AASDH: variants seen among roughly 807,000 people sequenced by gnomAD.
AASDH encodes beta-alanine-activating enzyme.
In AASDH, 81 loss-of-function variants were observed where a neutral mutation model predicts 102.3. The ratio of observed to expected loss-of-function variants is 0.79; its 90% confidence interval spans 0.66 to 0.95. The LOEUF is 0.95. Among genes scored for constraint, AASDH ranks in the 40% least tolerant of loss-of-function variants. AASDH has a pLI of 0.00. For missense variants in AASDH, 1,203 were observed against 1,266.2 expected, an observed-to-expected ratio of 0.95 and a Z score of 0.76; for synonymous variants, 398 against 454.0, an observed-to-expected ratio of 0.88 and a Z score of 1.57.
chr4:56,355,259 A>T lies in AASDH; in HGVS notation c.1026T>A (p.Asn342Lys), dbSNP rs1330317181. ...TTGATACCTCTGTGATACCATAAAC[A>T]TTAAATATTTGTGTTTTATTGCCTT... ...RGEGNKTQIF[N>K]VYGITEVSSW... Residue 342 changes from asparagine (N) to lysine (K), a missense_variant, in exon 6 of 15, where the codon AAT (asparagine) becomes AAA (lysine). Coordinates refer to ENST00000205214, the MANE Select transcript of AASDH (RefSeq NM_181806.4). The T allele has an allele frequency of 6.2e-7, 1 of 1,614,026 alleles. No homozygotes were observed. Among genetic ancestry groups the T allele is most frequent in the Non-Finnish European group, 8.5e-7 (1 of 1,180,002 alleles).
intron 5 of AASDH, among the ~76,000 whole-genome samples, chr4:56,362,058 T>G (rs1168594833): frequency 6.6e-6 from 1 of 152,192 alleles, no homozygotes; most frequent in African/African-American, 2.4e-5. Flanking sequence ...CCAAATATAT[T>G]TTAGGTTTGT....
At chr4:56,339,674 C>G (rs2109833445) in intron 14 of AASDH, among the ~76,000 whole-genome samples, 1 of 148,710 alleles carries the variant, frequency 6.7e-6, no homozygotes, top group African/African-American at 2.5e-5. Flanking sequence ...CCACTTGAAC[C>G]TGGGAGGCAG....
At chr4:56,369,388 T>C (rs1232096720) in intron 5 of AASDH, among the ~76,000 whole-genome samples, 1 of 152,124 alleles carries the variant, frequency 6.6e-6, no homozygotes, top group Non-Finnish European at 1.5e-5. Context: ...AAAACAGTTA[T>C]AGTAAAATCT....
rs1396861352 is a variant in AASDH at position 56,368,149 on chromosome 4, C to A, written c.861+3302G>T. The stretch of plus-strand genomic sequence containing the variant: ...ATCATCACTGGCCATCAGAGAAATG[C>A]AAATCAAAACCACAATGAGATACCA... On this transcript the variant is annotated intron_variant, in intron 5 of 14. Transcript: ENST00000205214. Among the ~76,000 whole-genome samples the A allele has an allele frequency of 2.0e-5, 3 of 152,164 alleles. No homozygotes were observed. The East Asian group carries it at 5.8e-4, about 29-fold the overall frequency.
At position 56,354,723 on chromosome 4, in the gene AASDH, T is replaced by TA. The variant is rs750954085; in HGVS notation, c.1191_1192insT (p.Ser398Ter). ...AAACAACCTAAAAATACTTGGCCAC[T>TA]GCCTTCCTGAATTGTGAAGCCATTA... On this transcript the variant is annotated frameshift_variant, in exon 7 of 15. Transcript: ENST00000205214. LOFTEE classifies it high-confidence loss of function. 1.9e-6 allele frequency: 3 copies of TA among 1,601,282 alleles called. No individual in the cohort carries two copies. The highest frequency in any genetic ancestry group is 4.5e-5 in the East Asian group (2 of 44,472).
chr4:56,366,510 A>G (rs1239634565), intron 5 of AASDH, among the ~76,000 whole-genome samples: 2 of 152,228 alleles, frequency 1.3e-5, no homozygotes, highest in East Asian at 3.8e-4. Flanking sequence ...CACATCAAAA[A>G]GCTTATCCAC....
intron 5 of AASDH, among the ~76,000 whole-genome samples, chr4:56,364,673 G>A (rs1319892650): frequency 6.6e-6 from 1 of 152,184 alleles, no homozygotes; most frequent in African/African-American, 2.4e-5. Context: ...AATGCTGAGA[G>A]ATTTTGTCAC....
At chr4:56,355,515 G>A in intron 5 of AASDH, 92 bp from the exon 6 acceptor site, 1 of 1,230,590 alleles carries the variant, frequency 8.1e-7, no homozygotes, top group Non-Finnish European at 1.1e-6. Flanking sequence ...AACATTTGGA[G>A]CCCACATGGA....
At chr4:56,378,889 ATT>A (rs1220687770) in intron 3 of AASDH, among the ~76,000 whole-genome samples, 1 of 103,150 alleles carries the variant, frequency 9.7e-6, no homozygotes, top group Non-Finnish European at 2.0e-5. Context: ...TTTTTTATTT[ATT>A]TTTTTTTTTT....
chr4:56,346,149 G>A (rs1748303259), intron 11 of AASDH, among the ~76,000 whole-genome samples: 1 of 152,184 alleles, frequency 6.6e-6, no homozygotes, highest in African/African-American at 2.4e-5. Flanking sequence ...CAAATTCCCT[G>A]GAGATCATGA....
intron 12 of AASDH, among the ~76,000 whole-genome samples, 190 bp downstream of exon 12, chr4:56,344,937 T>G (rs1054594436): frequency 7.3e-6 from 1 of 137,146 alleles, no homozygotes; most frequent in African/African-American, 2.7e-5. Flanking sequence ...GTGAATTTTC[T>G]TTCTTTTTTT....
At chr4:56,340,925 C>CGT (rs1747591481) in intron 14 of AASDH, among the ~76,000 whole-genome samples, 3 of 152,088 alleles carry the variant, frequency 2.0e-5, no homozygotes, top group Admixed American at 6.5e-5. Context: ...AAACACTCAA[C>CGT]ATCACTAATG....
Position 56,384,168 on chromosome 4 carries a change from T to C in AASDH, c.132A>G (p.Glu44=). Residue 44 remains glutamate (E), a synonymous_variant, in exon 2 of 15, where the codon GAA becomes GAG. Coordinates refer to ENST00000205214, the MANE Select transcript of AASDH (RefSeq NM_181806.4). ...AGTGTAACAGCAGAAAATTTGATAA[T>C]TCAGAAGCAGCATTAACCACAGTCT... ...TYKTVVNAAS[E]LSNFLLLHCD... is the part of the protein sequence containing the mutation. 1 of 1,614,154 alleles carries C rather than the reference T, an allele frequency of 6.2e-7. No homozygotes were observed. The highest frequency in any genetic ancestry group is 1.1e-5 in the South Asian group (1 of 91,088).
chr4:56,350,773 A>G (rs13135151), intron 10 of AASDH, among the ~76,000 whole-genome samples: 54,115 of 151,648 alleles, frequency 0.36, 10,105 homozygotes, highest in Non-Finnish European at 0.42. Flanking sequence ...AATGAAGTAG[A>G]AGAGACTTTT....
chr4:56,370,568 T>G (rs1275211454), intron 5 of AASDH, among the ~76,000 whole-genome samples: 2 of 152,144 alleles, frequency 1.3e-5, no homozygotes, highest in African/African-American at 4.8e-5. Context: ...GAGGACCCAA[T>G]GAAAAGACCG....
At chr4:56,365,316 A>G (rs1750857673) in intron 5 of AASDH, among the ~76,000 whole-genome samples, 2 of 152,090 alleles carry the variant, frequency 1.3e-5, no homozygotes, top group Non-Finnish European at 1.5e-5. Context: ...TCACCGAGAC[A>G]GAAAGTTAAC....
intron 3 of AASDH, among the ~76,000 whole-genome samples, chr4:56,379,648 G>A (rs1031479866): frequency 3.3e-5 from 5 of 152,204 alleles, no homozygotes; most frequent in African/African-American, 1.2e-4. Context: ...ATAATGCAAT[G>A]CGTATGATAA....
In AASDH at chr4:56,349,825, A is replaced by G. The variant is rs1424238076; in HGVS notation, c.1926T>C (p.Cys642=). Residue 642 remains cysteine, a synonymous_variant, in exon 11 of 15, where the codon TGT becomes TGC. Transcript: ENST00000205214. ...TGTCGCTGAGTTTCCTTTTTGTGGC[A>G]CAACTCTTCCTGAATGTCACATCTT... ...PDEDVTFRKS[C]ATKRKLSDIN... 2 of 1,614,044 alleles carry G rather than the reference A, an allele frequency of 1.2e-6. No individual in the cohort carries two copies. Among genetic ancestry groups the G allele is most frequent in the African/African-American group, 1.3e-5 (1 of 74,934 alleles).
intron 5 of AASDH, chr4:56,357,014 T>C (rs1749719453): frequency 2.7e-6 from 1 of 366,716 alleles, no homozygotes; most frequent in Non-Finnish European, 5.0e-6. Flanking sequence ...AGTAAAACAA[T>C]AATGAATAAA....
Sources: gnomAD v4.1 joint callset for allele counts (sites outside exome capture counted in the v4.1 genomes callset) on GRCh38, gnomAD v4.1.1 for gene constraint, MANE v1.5 for transcripts, NCBI Gene and HGNC (gene_info 2026-07-23, HGNC 2026-07-21) for gene names.